Variants in SLC24A4 observed in about 807,000 individuals in gnomAD.
SLC24A4 encodes solute carrier family 24 member 4.
A neutral mutation model predicts 79.0 loss-of-function variants in SLC24A4; 53 were observed. The ratio of observed to expected loss-of-function variants is 0.67; its 90% confidence interval spans 0.54 to 0.84. The LOEUF (loss-of-function observed/expected upper bound fraction) is 0.84, where lower values mean the gene tolerates loss of function less well. SLC24A4 is among the 40% of genes least tolerant of loss of function. SLC24A4 has a pLI of 0.00. For synonymous variants in SLC24A4, 323 were observed against 323.8 expected (o/e 1.00, Z 0.03); for missense variants, 731 against 822.0 (o/e 0.89, Z 1.35).
intron 2 of SLC24A4, among the ~76,000 whole-genome samples, chr14:92,368,275 C>A (rs1035824398): frequency 2.0e-5 from 3 of 152,194 alleles, no homozygotes; most frequent in Non-Finnish European, 4.4e-5. Context: ...AGGAAAAAAT[C>A]ATCACAGCTA....
At chr14:92,442,534 G>A (rs1892555806) in intron 5 of SLC24A4, among the ~76,000 whole-genome samples, 179 bp from the exon 6 acceptor site, 2 of 152,310 alleles carry the variant, frequency 1.3e-5, no homozygotes, top group South Asian at 4.1e-4. Context: ...TGGAGTAGCT[G>A]GTCCCTGGTG....
At chr14:92,333,172 C>A (rs7158413) in intron 2 of SLC24A4, among the ~76,000 whole-genome samples, 140,228 of 152,036 alleles carry the variant, frequency 0.92, 65,578 homozygotes, top group East Asian at 1. Flanking sequence ...CGGCTCACTG[C>A]AACCTCTGCC....
At chr14:92,358,767 G>A (rs1050392081) in intron 2 of SLC24A4, among the ~76,000 whole-genome samples, 3 of 146,960 alleles carry the variant, frequency 2.0e-5, no homozygotes, top group Non-Finnish European at 4.4e-5. Context: ...TCACTGCAAC[G>A]TCTGCCTCCC....
At chr14:92,423,499 G>C (rs1397859090) in intron 2 of SLC24A4, among the ~76,000 whole-genome samples, 5 of 152,178 alleles carry the variant, frequency 3.3e-5, no homozygotes, top group African/African-American at 1.2e-4. Flanking sequence ...TTGTCTAGTA[G>C]AGGTAAAGAC....
At chr14:92,373,700 C>T (rs570332493) in intron 2 of SLC24A4, among the ~76,000 whole-genome samples, 1 of 152,336 alleles carries the variant, frequency 6.6e-6, no homozygotes, top group Admixed American at 6.5e-5. Flanking sequence ...GACCGCACAT[C>T]AGACTTTTCT....
chr14:92,461,424 A>G (rs1893802476), intron 12 of SLC24A4, among the ~76,000 whole-genome samples: 1 of 152,212 alleles, frequency 6.6e-6, no homozygotes, highest in South Asian at 2.1e-4. Context: ...AACAACGGAA[A>G]TGTATTTTCT....
intron 14 of SLC24A4, among the ~76,000 whole-genome samples, chr14:92,488,866 A>G (rs1191552508): frequency 2.0e-5 from 3 of 152,212 alleles, no homozygotes; most frequent in African/African-American, 7.2e-5. Context: ...TGTGCAGTTT[A>G]AACAACTGGC....
chr14:92,468,936 C>G (rs12588406), intron 12 of SLC24A4, among the ~76,000 whole-genome samples: 1,541 of 21,976 alleles, frequency 0.07, 27 homozygotes, highest in African/African-American at 0.1. Context: ...GTGTGTGTGT[C>G]ACTTAAAACT....
At chr14:92,429,496 G>T (rs913342488) in intron 2 of SLC24A4, among the ~76,000 whole-genome samples, 2 of 152,242 alleles carry the variant, frequency 1.3e-5, no homozygotes, top group African/African-American at 4.8e-5. Flanking sequence ...GTAAGTGACA[G>T]GTTTTCTCTG....
intron 2 of SLC24A4, among the ~76,000 whole-genome samples, chr14:92,365,910 A>G (rs1286016122): frequency 1.3e-5 from 2 of 152,180 alleles, no homozygotes; most frequent in Non-Finnish European, 2.9e-5. Flanking sequence ...CCGCCTTCAA[A>G]CACCACTCCA....
chr14:92,470,623 T>C (rs1416265329), intron 12 of SLC24A4, among the ~76,000 whole-genome samples: 2 of 152,172 alleles, frequency 1.3e-5, no homozygotes, highest in Admixed American at 6.5e-5. Context: ...CGTTCTCTTG[T>C]TGATGTTTGC....
chr14:92,401,346 CT>C, intron 2 of SLC24A4, among the ~76,000 whole-genome samples: 1 of 152,266 alleles, frequency 6.6e-6, no homozygotes, highest in Admixed American at 6.5e-5. Context: ...GTTTATTTGT[CT>C]CTTTAGTATG....
intron 2 of SLC24A4, among the ~76,000 whole-genome samples, chr14:92,343,492 C>T (rs977032604): frequency 6.6e-6 from 1 of 152,226 alleles, no homozygotes. Context: ...CTCTGCCTCC[C>T]AGACCGATTG....
chr14:92,379,759 G>GA (rs1416755662), intron 2 of SLC24A4, among the ~76,000 whole-genome samples: 2 of 152,078 alleles, frequency 1.3e-5, no homozygotes, highest in Non-Finnish European at 2.9e-5. Flanking sequence ...AGTCATGCTT[G>GA]AAACTCACGT....
rs577751948 is a variant in SLC24A4 at position 92,450,204 on chromosome 14, G to A, written c.880+988G>A. 3 of 152,390 alleles carry A rather than the reference G, an allele frequency of 2.0e-5. No individual in the cohort carries two copies. In the East Asian group the frequency reaches 5.8e-4, roughly 29 times the overall value. The allele number at this position is 152,390 out of a possible 1,614,324, so 9.4% of individuals were successfully genotyped here. ...CCTCCTCTTTTAGGTGAACTCTTTT[G>A]TGATGTCACTGGTGGGATGGAGTGG... On this transcript the variant is annotated intron_variant, in intron 10 of 16. Coordinates refer to ENST00000532405, the MANE Select transcript of SLC24A4 (RefSeq NM_153646.4).
At chr14:92,477,275 GGA>G (rs1894818844) in intron 12 of SLC24A4, among the ~76,000 whole-genome samples, 1 of 152,030 alleles carries the variant, frequency 6.6e-6, no homozygotes, top group African/African-American at 2.4e-5. Flanking sequence ...CATTTTCTTT[GGA>G]GAACTGTCTA....
At chr14:92,338,790 T>G (rs2141611710) in intron 2 of SLC24A4, among the ~76,000 whole-genome samples, 1 of 152,356 alleles carries the variant, frequency 6.6e-6, no homozygotes, top group South Asian at 2.1e-4. Flanking sequence ...AAGCCATCCT[T>G]GGGTTTAGCT....
intron 2 of SLC24A4, among the ~76,000 whole-genome samples, chr14:92,383,709 G>A (rs767102661): frequency 3.9e-5 from 6 of 152,174 alleles, no homozygotes; most frequent in African/African-American, 9.7e-5. Flanking sequence ...GACCGGCACC[G>A]AATGGGCTTG....
chr14:92,425,488 G>A (rs1459518947), intron 2 of SLC24A4, among the ~76,000 whole-genome samples: 1 of 152,154 alleles, frequency 6.6e-6, no homozygotes, highest in Non-Finnish European at 1.5e-5. Context: ...ACCATTTTGG[G>A]CCAATTGCTG....
Sources: gnomAD v4.1 joint callset for allele counts (sites outside exome capture counted in the v4.1 genomes callset) on GRCh38, gnomAD v4.1.1 for gene constraint, MANE v1.5 for transcripts, NCBI Gene and HGNC (gene_info 2026-07-23, HGNC 2026-07-21) for gene names.